The following SPOCK1 variants were observed in gnomAD, a reference collection of about 807,000 sequenced individuals.
SPOCK1 encodes SPARC (osteonectin), cwcv and kazal like domains proteoglycan 1.
A neutral mutation model predicts 55.3 loss-of-function variants in SPOCK1; 23 were observed. The ratio of observed to expected loss-of-function variants is 0.42; its 90% confidence interval spans 0.30 to 0.59. The LOEUF is 0.59. SPOCK1 is among the 20% of genes least tolerant of loss of function. The probability of loss-of-function intolerance (pLI) is 0.22; values close to 1 mark genes in which losing one functional copy is unlikely to be tolerated. For synonymous variants in SPOCK1, 226 were observed against 221.0 expected, an observed-to-expected ratio of 1.02 and a Z score of -0.20; for missense variants, 499 against 552.5, an observed-to-expected ratio of 0.90 and a Z score of 0.97.
intron 4 of SPOCK1, among the ~76,000 whole-genome samples, chr5:137,137,781 A>G (rs1013928057): frequency 6.6e-6 from 1 of 152,240 alleles, no homozygotes; most frequent in Non-Finnish European, 1.5e-5. Flanking sequence ...GTAGGGACCA[A>G]GGCACCTGTA....
At chr5:137,399,677 A>G (rs1488948517) in intron 2 of SPOCK1, among the ~76,000 whole-genome samples, 1 of 152,234 alleles carries the variant, frequency 6.6e-6, no homozygotes, top group Admixed American at 6.5e-5. Flanking sequence ...AGACCTCACC[A>G]ACACAGAAGA....
At chr5:137,291,367 G>C (rs74419521) in intron 2 of SPOCK1, among the ~76,000 whole-genome samples, 2 of 152,166 alleles carry the variant, frequency 1.3e-5, no homozygotes, top group Non-Finnish European at 2.9e-5. Context: ...GATGAAAAAC[G>C]TGAGGCTCAA....
intron 2 of SPOCK1, among the ~76,000 whole-genome samples, chr5:137,387,200 G>A (rs1751615761): frequency 6.6e-6 from 1 of 152,214 alleles, no homozygotes; most frequent in African/African-American, 2.4e-5. Flanking sequence ...TGGTGGAACT[G>A]CAAAATGGTG....
intron 3 of SPOCK1, among the ~76,000 whole-genome samples, chr5:137,199,033 T>C (rs1047928549): frequency 6.6e-6 from 1 of 152,236 alleles, no homozygotes; most frequent in Non-Finnish European, 1.5e-5. Context: ...TACCAATGAC[T>C]ATCAGGATTT....
chr5:137,071,357 G>T (rs1250813150), intron 5 of SPOCK1, among the ~76,000 whole-genome samples: 1 of 152,102 alleles, frequency 6.6e-6, no homozygotes, highest in East Asian at 1.9e-4. Context: ...TGTGGTAAAA[G>T]CTCCTTTAAA....
At chr5:136,991,131 T>C (rs1273129998) in intron 7 of SPOCK1, among the ~76,000 whole-genome samples, 3 of 152,208 alleles carry the variant, frequency 2.0e-5, no homozygotes, top group Non-Finnish European at 4.4e-5. Flanking sequence ...AAGGCAGGTC[T>C]TCTGGAGAAA....
At chr5:137,131,908 C>G (rs1753886824) in intron 4 of SPOCK1, among the ~76,000 whole-genome samples, 1 of 133,044 alleles carries the variant, frequency 7.5e-6, no homozygotes. Context: ...GGAGGCGGAG[C>G]TTGCAGTGAG....
intron 3 of SPOCK1, among the ~76,000 whole-genome samples, chr5:137,209,357 A>G (rs1027073570): frequency 6.6e-6 from 1 of 152,364 alleles, no homozygotes; most frequent in Admixed American, 6.5e-5. Context: ...CCAGCATCGC[A>G]TGACCTGCAT....
intron 6 of SPOCK1, among the ~76,000 whole-genome samples, chr5:137,016,796 G>A (rs142208742): frequency 6.6e-6 from 1 of 152,356 alleles, no homozygotes; most frequent in East Asian, 1.9e-4. Flanking sequence ...TTTTAAGAGA[G>A]CAAAACAATC....
intron 2 of SPOCK1, among the ~76,000 whole-genome samples, chr5:137,338,846 G>A (rs907824917): frequency 2.0e-4 from 30 of 152,184 alleles, no homozygotes; most frequent in Admixed American, 9.2e-4. Context: ...CATATCCTTC[G>A]CCCACTTTTT....
At chr5:136,996,819 T>C (rs533283930) in intron 6 of SPOCK1, among the ~76,000 whole-genome samples, 1 of 152,082 alleles carries the variant, frequency 6.6e-6, no homozygotes, top group East Asian at 1.9e-4. Context: ...AAATGGAACA[T>C]GGGAGGGGAC....
chr5:137,443,428 CTT>C (rs1344526852), intron 2 of SPOCK1, among the ~76,000 whole-genome samples: 2 of 152,142 alleles, frequency 1.3e-5, no homozygotes, highest in Non-Finnish European at 2.9e-5. Flanking sequence ...TTCATTTTCT[CTT>C]CTTCTGTGAC....
At chr5:137,299,350 C>G (rs1757544513) in intron 2 of SPOCK1, among the ~76,000 whole-genome samples, 2 of 151,880 alleles carry the variant, frequency 1.3e-5, no homozygotes, top group Admixed American at 1.3e-4. Context: ...ACGCTATACC[C>G]CTTACAAATC....
At chr5:137,038,773 AATTGC>A (rs1347891377) in intron 6 of SPOCK1, among the ~76,000 whole-genome samples, 1 of 152,206 alleles carries the variant, frequency 6.6e-6, no homozygotes, top group African/African-American at 2.4e-5. Flanking sequence ...AATAATCACA[AATTGC>A]ATTGCTTATT....
intron 2 of SPOCK1, among the ~76,000 whole-genome samples, chr5:137,269,509 G>A: frequency 6.6e-6 from 1 of 152,168 alleles, no homozygotes; most frequent in East Asian, 1.9e-4. Context: ...GAGCATGGGG[G>A]AGGGGTCTCT....
At chr5:137,358,525 G>T (rs981477856) in intron 2 of SPOCK1, among the ~76,000 whole-genome samples, 3 of 149,298 alleles carry the variant, frequency 2.0e-5, no homozygotes, top group Non-Finnish European at 4.5e-5. Context: ...GGAGGTGGAG[G>T]AGTGGGGGAA....
rs1758228353 is a variant in SPOCK1, at chr5:137,333,605, G to T, written c.187-66550C>A. Among the ~76,000 whole-genome samples, 8 of 152,334 alleles carry T rather than the reference G, an allele frequency of 5.3e-5. No individual in the cohort carries two copies. The South Asian group carries it at 1.7e-3, about 32-fold the overall frequency. On this transcript the variant is annotated intron_variant, in intron 2 of 10. Transcript: ENST00000394945. ...ACACAGGATCTCAAGGCACAAGTGA[G>T]AAACTCTTATCTGCAGGCCAAGACA...
chr5:137,079,563 T>G (rs1281640961), intron 5 of SPOCK1, among the ~76,000 whole-genome samples: 1 of 142,690 alleles, frequency 7.0e-6, no homozygotes, highest in African/African-American at 2.7e-5. Flanking sequence ...TGAAATGTCG[T>G]ACCAAAGATC....
In SPOCK1 at chr5:137,158,056, C is replaced by G. The variant is rs577665576; in HGVS notation, c.233-17362G>C. On this transcript the variant is annotated intron_variant, in intron 3 of 10. Transcript: ENST00000394945. ...CAGCCTAGGCAGCAAGAGGGAGACT[C>G]CATCCCCCCAAAAAAAAGAAAACTT... 4.6e-5 allele frequency among the ~76,000 whole-genome samples: 7 copies of G among 152,220 alleles called. 1 individual carries two copies. The highest frequency in any genetic ancestry group is 6.8e-3 in the Middle Eastern group (2 of 294).
Sources: gnomAD v4.1 joint callset for allele counts (sites outside exome capture counted in the v4.1 genomes callset) on GRCh38, gnomAD v4.1.1 for gene constraint, MANE v1.5 for transcripts, NCBI Gene and HGNC (gene_info 2026-07-23, HGNC 2026-07-21) for gene names.